Variants in CAMK2D observed in about 807,000 individuals in gnomAD.
CAMK2D encodes calcium/calmodulin-dependent protein kinase type II subunit delta.
A neutral mutation model predicts 84.0 loss-of-function variants in CAMK2D; 37 were observed. That is an observed-to-expected ratio of 0.44 (90% CI 0.34 to 0.58). CAMK2D has a LOEUF of 0.58. Among genes scored for constraint, CAMK2D ranks in the 20% least tolerant of loss-of-function variants. The probability of loss-of-function intolerance (pLI) is 0.02; values close to 1 mark genes in which losing one functional copy is unlikely to be tolerated. For synonymous variants in CAMK2D, 202 were observed against 212.5 expected (o/e 0.95, Z 0.43); for missense variants, 448 against 652.5 (o/e 0.69, Z 3.41).
intron 16 of CAMK2D, among the ~76,000 whole-genome samples, chr4:113,490,152 T>C (rs2097816326): frequency 6.8e-6 from 1 of 146,864 alleles, no homozygotes; most frequent in South Asian, 2.1e-4. Flanking sequence ...TTTAATTAGA[T>C]CCCATTTGTC....
At chr4:113,483,020 TAA>T (rs2097720468) in intron 16 of CAMK2D, among the ~76,000 whole-genome samples, 1 of 152,216 alleles carries the variant, frequency 6.6e-6, no homozygotes, top group Non-Finnish European at 1.5e-5. Flanking sequence ...TTAAAAGAAA[TAA>T]AGACAGACTA....
chr4:113,577,646 T>A (rs1329885356), intron 4 of CAMK2D, among the ~76,000 whole-genome samples: 1 of 152,174 alleles, frequency 6.6e-6, no homozygotes, highest in Non-Finnish European at 1.5e-5. Context: ...TTGAGCTCAC[T>A]CTTTATTGAA....
intron 6 of CAMK2D, 104 bp from the exon 7 acceptor site, chr4:113,537,547 A>T: frequency 1.5e-6 from 1 of 670,912 alleles, no homozygotes; most frequent in Non-Finnish European, 2.6e-6. Context: ...AAATTCATGC[A>T]CTGTCATCTT....
chr4:113,545,537 AAT>A (rs2098559548), intron 6 of CAMK2D, among the ~76,000 whole-genome samples: 1 of 152,216 alleles, frequency 6.6e-6, no homozygotes, highest in Non-Finnish European at 1.5e-5. Context: ...TATCACAAGC[AAT>A]ATATTTATCA....
intron 4 of CAMK2D, among the ~76,000 whole-genome samples, chr4:113,564,536 C>T (rs529944235): frequency 6.6e-6 from 1 of 151,986 alleles, no homozygotes; most frequent in Non-Finnish European, 1.5e-5. Flanking sequence ...TGCTTATATA[C>T]CCATATCTCC....
At chr4:113,737,505 C>T (rs1024307748) in intron 2 of CAMK2D, among the ~76,000 whole-genome samples, 2 of 152,028 alleles carry the variant, frequency 1.3e-5, no homozygotes, top group Non-Finnish European at 2.9e-5. Context: ...GGAGATACCA[C>T]TTAATGAATA....
chr4:113,467,117 A>AT (rs945017965), intron 16 of CAMK2D, among the ~76,000 whole-genome samples: 1 of 152,192 alleles, frequency 6.6e-6, no homozygotes, highest in Non-Finnish European at 1.5e-5. Flanking sequence ...TAGAAATCAA[A>AT]TTTTACTGGA....
intron 4 of CAMK2D, among the ~76,000 whole-genome samples, chr4:113,608,005 A>C (rs1248649726): frequency 6.6e-6 from 1 of 152,196 alleles, no homozygotes; most frequent in Non-Finnish European, 1.5e-5. Context: ...AAGCAGTTCT[A>C]ATTAAGGAAT....
intron 3 of CAMK2D, among the ~76,000 whole-genome samples, chr4:113,613,139 C>A (rs925309009): frequency 2.0e-5 from 3 of 152,062 alleles, no homozygotes; most frequent in Non-Finnish European, 4.4e-5. Context: ...CTGTCAGGCA[C>A]AATGCAAATA....
chr4:113,525,244 A>C (rs1168405634), intron 8 of CAMK2D, among the ~76,000 whole-genome samples: 1 of 152,168 alleles, frequency 6.6e-6, no homozygotes, highest in Non-Finnish European at 1.5e-5. Flanking sequence ...AGTGATACCT[A>C]AGTAAGGCAG....
intron 16 of CAMK2D, among the ~76,000 whole-genome samples, chr4:113,497,047 T>TAA (rs1422887630): frequency 7.1e-6 from 1 of 141,258 alleles, no homozygotes; most frequent in Non-Finnish European, 1.5e-5. Flanking sequence ...AAAAAGGAAA[T>TAA]AAAAGAACTT....
At chr4:113,497,181 G>A (rs1397915598) in intron 16 of CAMK2D, among the ~76,000 whole-genome samples, 1 of 150,572 alleles carries the variant, frequency 6.6e-6, no homozygotes, top group Non-Finnish European at 1.5e-5. Context: ...GATAGTTATT[G>A]TATTAAGTAA....
At chr4:113,472,081 T>C (rs1017436582) in intron 16 of CAMK2D, among the ~76,000 whole-genome samples, 1 of 152,182 alleles carries the variant, frequency 6.6e-6, no homozygotes, top group African/African-American at 2.4e-5. Flanking sequence ...TTTGTCTGTA[T>C]TGCTCTTCCT....
rs111697376 is a variant in CAMK2D, at chr4:113,631,707, G to A, written c.221-22501C>T. 6.8e-3 allele frequency among the ~76,000 whole-genome samples: 1,036 copies of A among 152,260 alleles called. 9 individuals carry two copies. The highest frequency in any genetic ancestry group is 0.019 in the African/African-American group (795 of 41,548). ...AGGTTGGAACTGAACTAGAGCTTCA[G>A]GGAGATCAATGAGCACAGGGTGCAG... On this transcript the variant is annotated intron_variant, in intron 3 of 20. Transcript: ENST00000511664.
At chr4:113,508,414 C>T in intron 13 of CAMK2D, 1 of 640,324 alleles carries the variant, frequency 1.6e-6, no homozygotes, top group South Asian at 1.9e-5. Context: ...GAAATGCGTT[C>T]TATGTAAGGA....
chr4:113,534,527 G>A (rs1437750821), intron 7 of CAMK2D, among the ~76,000 whole-genome samples: 2 of 152,148 alleles, frequency 1.3e-5, no homozygotes, highest in Non-Finnish European at 2.9e-5. Context: ...TTATTGCTGA[G>A]CTGTCACTGC....
intron 2 of CAMK2D, among the ~76,000 whole-genome samples, chr4:113,701,533 C>T (rs555580031): frequency 6.6e-6 from 1 of 152,224 alleles, no homozygotes; most frequent in Admixed American, 6.5e-5. Context: ...CCTTAAGGAG[C>T]TCTGGAGCTA....
intron 14 of CAMK2D, 66 bp downstream of exon 14, chr4:113,504,910 G>T: frequency 2.8e-6 from 2 of 726,122 alleles, no homozygotes. Context: ...GAAAGCAAAT[G>T]AGAGAAACCA....
chr4:113,531,258 G>A lies in CAMK2D; in HGVS notation c.559C>T (p.Arg187Cys). ...ACTGGCTTTCCATAAGGATCTTTAC[G>A]TAAAACTTCTGGAGAAAGATATCCA... is the stretch of plus-strand genomic sequence containing the variant. ...TPGYLSPEVLRKDPYGKPVDM... is the reference protein window; with the variant it reads ...TPGYLSPEVLCKDPYGKPVDM... The change falls in exon 8 of 21, where the codon CGT becomes TGT. Residue 187 changes from arginine to cysteine, a missense_variant. By Grantham distance (180) the Arg-to-Cys change is radical. Transcript: ENST00000511664. 3 of 1,605,630 alleles carry A rather than the reference G, an allele frequency of 1.9e-6. No homozygotes were observed. Among genetic ancestry groups the A allele is most frequent in the Non-Finnish European group, 2.6e-6 (3 of 1,172,540 alleles).
Sources: gnomAD v4.1 joint callset for allele counts (sites outside exome capture counted in the v4.1 genomes callset) on GRCh38, gnomAD v4.1.1 for gene constraint, MANE v1.5 for transcripts, NCBI Gene and HGNC (gene_info 2026-07-23, HGNC 2026-07-21) for gene names.